TOX2: variants seen among roughly 807,000 people sequenced by gnomAD.
TOX2 encodes the protein granulosa cell HMG box 1.
Under a neutral mutation model 47.4 loss-of-function variants are expected in TOX2, and 15 were observed. That is an observed-to-expected ratio of 0.32 (90% CI 0.21 to 0.49). The LOEUF (loss-of-function observed/expected upper bound fraction) is 0.49, where lower values mean the gene tolerates loss of function less well. TOX2 is among the 20% of genes least tolerant of loss of function. The pLI is 0.99. For missense variants in TOX2, 622 were observed against 673.1 expected, an observed-to-expected ratio of 0.92 and a Z score of 0.84; for synonymous variants, 290 against 296.6, an observed-to-expected ratio of 0.98 and a Z score of 0.23.
At chr20:43,975,736 A>T (rs1379071684) in intron 2 of TOX2, among the ~76,000 whole-genome samples, 1 of 152,148 alleles carries the variant, frequency 6.6e-6, no homozygotes, top group African/African-American at 2.4e-5. Flanking sequence ...CACAGTGGTC[A>T]TCTACTTACC....
chr20:44,008,152 T>C (rs537277865), intron 3 of TOX2, among the ~76,000 whole-genome samples: 2 of 152,188 alleles, frequency 1.3e-5, no homozygotes, highest in East Asian at 3.9e-4. Flanking sequence ...ATGCTTTTTA[T>C]TGGGCTGGAG....
intron 1 of TOX2, among the ~76,000 whole-genome samples, chr20:43,952,050 C>T (rs977182019): frequency 2.6e-5 from 4 of 151,672 alleles, no homozygotes; most frequent in Non-Finnish European, 5.9e-5. Context: ...GCATGTGCCA[C>T]CACACCCGGC....
intron 2 of TOX2, among the ~76,000 whole-genome samples, chr20:43,975,701 A>G (rs541679289): frequency 2.0e-5 from 3 of 152,190 alleles, no homozygotes; most frequent in South Asian, 2.1e-4. Flanking sequence ...TTTAATTCAT[A>G]GTGACAAAAA....
chr20:43,922,339 G>C (rs912434575), intron 1 of TOX2, among the ~76,000 whole-genome samples: 1 of 152,174 alleles, frequency 6.6e-6, no homozygotes, highest in African/African-American at 2.4e-5. Flanking sequence ...CCTGCCCCCA[G>C]TCGTGACAAC....
intron 1 of TOX2, among the ~76,000 whole-genome samples, chr20:43,933,716 G>C (rs1600659382): frequency 1.3e-5 from 2 of 152,158 alleles, no homozygotes; most frequent in South Asian, 4.1e-4. Context: ...ATTGGCCATG[G>C]GCTGCCCAGG....
chr20:43,917,133 G>A (rs1390600070), intron 1 of TOX2, among the ~76,000 whole-genome samples: 1 of 152,226 alleles, frequency 6.6e-6, no homozygotes, highest in Non-Finnish European at 1.5e-5. Flanking sequence ...ACTTGGATGT[G>A]AAATCTGCTA....
intron 1 of TOX2, among the ~76,000 whole-genome samples, chr20:43,930,535 G>T (rs990564167): frequency 7.9e-5 from 12 of 152,188 alleles, no homozygotes; most frequent in Non-Finnish European, 1.3e-4. Flanking sequence ...TGCAGCCCCT[G>T]TTTTGTCCCC....
intron 3 of TOX2, among the ~76,000 whole-genome samples, chr20:44,023,431 G>GAAA (rs35627597): frequency 2.5e-5 from 3 of 119,148 alleles, no homozygotes; most frequent in African/African-American, 6.8e-5. Context: ...CTTTATCTCA[G>GAAA]AAAAAAAAAA....
At chr20:44,029,890 C>T (rs1358572711) in intron 3 of TOX2, among the ~76,000 whole-genome samples, 4 of 152,174 alleles carry the variant, frequency 2.6e-5, no homozygotes, top group African/African-American at 7.2e-5. Flanking sequence ...ATGGCCTTCA[C>T]GTTGCCAAAC....
At chr20:43,971,292 A>G (rs1309276930) in intron 1 of TOX2, among the ~76,000 whole-genome samples, 6 of 152,232 alleles carry the variant, frequency 3.9e-5, no homozygotes, top group Admixed American at 3.9e-4. Context: ...ATCATAAGCA[A>G]TGAATATAGT....
At chr20:44,060,143 A>C (rs1031461226) in intron 5 of TOX2, among the ~76,000 whole-genome samples, 1 of 152,236 alleles carries the variant, frequency 6.6e-6, no homozygotes, top group African/African-American at 2.4e-5. Flanking sequence ...AAGCAACGGC[A>C]GTTGAAAAAG....
At chr20:43,954,034 T>C (rs117128908) in intron 1 of TOX2, among the ~76,000 whole-genome samples, 3,691 of 152,250 alleles carry the variant, frequency 0.024, 65 homozygotes, top group Non-Finnish European at 0.036. Context: ...TCTTTTAAAC[T>C]ATAAATTAAA....
At position 43,944,960 on chromosome 20, in the gene TOX2, C is replaced by T. The variant is rs114098765; in HGVS notation, c.100-28407C>T. Among the ~76,000 whole-genome samples, 1,169 of 152,222 alleles carry T rather than the reference C, an allele frequency of 7.7e-3. 16 individuals are homozygous for T. The highest frequency in any genetic ancestry group is 0.027 in the African/African-American group (1,103 of 41,524). ...GAGCCCTAGTTTAACTGCATTTGTG[C>T]GAAAGCTAATGAGAGACTGCTGGTT... On this transcript the variant is annotated intron_variant, in intron 1 of 8. Coordinates refer to ENST00000341197, the MANE Select transcript of TOX2 (RefSeq NM_001098797.2).
At chr20:43,964,701 A>G (rs1044122452) in intron 1 of TOX2, among the ~76,000 whole-genome samples, 11 of 152,172 alleles carry the variant, frequency 7.2e-5, no homozygotes, top group Admixed American at 2.6e-4. Context: ...CAAGTTCCCA[A>G]CCACTCTGAG....
At chr20:43,985,705 C>A (rs1407465974) in intron 2 of TOX2, among the ~76,000 whole-genome samples, 1 of 152,102 alleles carries the variant, frequency 6.6e-6, no homozygotes, top group East Asian at 1.9e-4. Context: ...ACATACTCAG[C>A]CCCAAGTAGA....
intron 1 of TOX2, among the ~76,000 whole-genome samples, chr20:43,967,787 A>G (rs2069885460): frequency 6.6e-6 from 1 of 152,022 alleles, no homozygotes; most frequent in Non-Finnish European, 1.5e-5. Flanking sequence ...TTTTGATGAT[A>G]TATTTTATTT....
chr20:43,925,123 G>A (rs772570004), intron 1 of TOX2, among the ~76,000 whole-genome samples: 2 of 151,988 alleles, frequency 1.3e-5, no homozygotes, highest in Non-Finnish European at 2.9e-5. Flanking sequence ...TTAAAAAAGT[G>A]GTCTTTTGTT....
At chr20:44,005,935 A>C (rs764257622) in intron 2 of TOX2, among the ~76,000 whole-genome samples, 18 of 151,724 alleles carry the variant, frequency 1.2e-4, no homozygotes, top group Admixed American at 7.2e-4. Flanking sequence ...CAGTTTGGCG[A>C]GGTGGGAAAA....
chr20:44,015,985 G>A (rs974103057), intron 3 of TOX2, among the ~76,000 whole-genome samples: 20 of 152,076 alleles, frequency 1.3e-4, no homozygotes, highest in Non-Finnish European at 2.8e-4. Context: ...GTTTGTTGAC[G>A]AGATAAGATT....
Sources: gnomAD v4.1 joint callset for allele counts (sites outside exome capture counted in the v4.1 genomes callset) on GRCh38, gnomAD v4.1.1 for gene constraint, MANE v1.5 for transcripts, NCBI Gene and HGNC (gene_info 2026-07-23, HGNC 2026-07-21) for gene names.